The following CACNA1H variants were observed in gnomAD, a reference collection of about 807,000 sequenced individuals.
The protein encoded by CACNA1H is calcium voltage-gated channel subunit alpha1 H.
CACNA1H carries 149 observed loss-of-function variants against 192.5 expected under a neutral mutation model. The observed-to-expected ratio is 0.77, with a 90% CI of 0.68 to 0.89. CACNA1H has a LOEUF of 0.89. CACNA1H is among the 40% of genes least tolerant of loss of function. The pLI is 0.00. For missense variants in CACNA1H, 4,257 were observed against 3,423.5 expected (o/e 1.24, Z -6.08); for synonymous variants, 2,202 against 1,475.2 (o/e 1.49, Z -11.29).
intron 30 of CACNA1H, 148 bp downstream of exon 30, chr16:1,215,741 A>G (rs900431043): frequency 1.7e-5 from 12 of 687,652 alleles, no homozygotes; most frequent in Non-Finnish European, 2.7e-5. Flanking sequence ...TGTGCAGTGC[A>G]TGGCTTGGCT....
chr16:1,175,153 T>C (rs1042665821), intron 2 of CACNA1H, among the ~76,000 whole-genome samples: 11 of 151,898 alleles, frequency 7.2e-5, no homozygotes, highest in Admixed American at 2.0e-4. Flanking sequence ...AATGCCCTAC[T>C]GTGCGCGCGG....
chr16:1,154,330 C>T (rs949341963), intron 2 of CACNA1H, among the ~76,000 whole-genome samples: 2 of 151,954 alleles, frequency 1.3e-5, no homozygotes, highest in Non-Finnish European at 2.9e-5. Flanking sequence ...GGAGAGGAGT[C>T]GGGGAGGGAG....
At chr16:1,170,026 G>C (rs974559201) in intron 2 of CACNA1H, among the ~76,000 whole-genome samples, 3 of 152,212 alleles carry the variant, frequency 2.0e-5, no homozygotes, top group Non-Finnish European at 4.4e-5. Flanking sequence ...CTCAAGTCCC[G>C]GTGGGAAGAG....
At position 1,202,180 on chromosome 16, in the gene CACNA1H, A is replaced by G. The variant is rs1318871844; in HGVS notation, c.1730A>G (p.His577Arg). Reference sequence around the variant, plus strand: ...GCAGAGTCTGTGCACAGCATCTACCATGCCGACTGCCACATAGAGGGGCCG... The same window carrying G: ...GCAGAGTCTGTGCACAGCATCTACCGTGCCGACTGCCACATAGAGGGGCCG... ...PDAESVHSIY[H>R]ADCHIEGPQE... The change falls in exon 9 of 35, where the codon CAT becomes CGT. Residue 577 changes from histidine to arginine, a missense_variant. Physicochemically the swap from His to Arg is conservative, Grantham distance 29. Transcript: ENST00000348261. 7.7e-6 allele frequency: 12 copies of G among 1,552,442 alleles called. No individual in the cohort carries two copies. Among genetic ancestry groups the G allele is most frequent in the Admixed American group, 3.9e-5 (2 of 51,332 alleles).
In CACNA1H at chr16:1,182,208, G is replaced by A. The variant is rs569316597; in HGVS notation, c.300-12764G>A. ...GTGGGTGGCAGGTGGGAGGCTCTGC[G>A]GGGTGGAGGAGGCGGGCCTCAGCCC... On this transcript the variant is annotated intron_variant, in intron 2 of 34. Coordinates refer to ENST00000348261, the MANE Select transcript of CACNA1H (RefSeq NM_021098.3). 5.3e-5 allele frequency among the ~76,000 whole-genome samples: 8 copies of A among 152,346 alleles called. No individual in the cohort carries two copies. The East Asian group carries it at 1.4e-3, about 26-fold the overall frequency.
intron 2 of CACNA1H, among the ~76,000 whole-genome samples, chr16:1,185,509 C>G (rs541260602): frequency 1.4e-4 from 20 of 143,994 alleles, no homozygotes; most frequent in Admixed American, 8.3e-4. Context: ...AGTCCCCCCC[C>G]CCGCCGAGTC....
At position 1,220,757 on chromosome 16, in the gene CACNA1H, C is replaced by A. The variant is rs749693013; in HGVS notation, c.6825C>A (p.Val2275=). ...CCTTTGAGCCGCTGGACCTCGGGGT[C>A]CCCAGTGGAGACCCTTTCTTGGACG... The part of the protein sequence containing the change: ...SFAFEPLDLG[V]PSGDPFLDGS... The change falls in exon 35 of 35, where the codon GTC becomes GTA. Residue 2275 remains valine (V), a synonymous_variant. Coordinates refer to ENST00000348261, the MANE Select transcript of CACNA1H (RefSeq NM_021098.3). 1.2e-6 allele frequency: 2 copies of A among 1,612,568 alleles called. No individual in the cohort carries two copies. Among genetic ancestry groups the A allele is most frequent in the Non-Finnish European group, 1.7e-6 (2 of 1,179,770 alleles).
chr16:1,211,900 C>T, intron 24 of CACNA1H, 46 bp from the exon 25 acceptor site: 1 of 1,611,782 alleles, frequency 6.2e-7, no homozygotes, highest in Non-Finnish European at 8.5e-7. Context: ...TGGGTAGGGC[C>T]CCTGGCGGGG....
chr16:1,195,306 AGGGCGGGGCAG>A (rs1966866271), intron 3 of CACNA1H, 115 bp from the exon 4 acceptor site: 20 of 728,654 alleles, frequency 2.7e-5, no homozygotes, highest in African/African-American at 5.5e-5. Context: ...CCTGGGGCTC[AGGGCGGGGCAG>A]GGGCGGGGCG....
At position 1,217,930 on chromosome 16, in the gene CACNA1H, G is replaced by T. The variant is rs551983302; in HGVS notation, c.5335G>T (p.Asp1779Tyr). The change falls in exon 32 of 35, where the codon GAC becomes TAC. Residue 1779 changes from aspartate (D) to tyrosine (Y), a missense_variant. Asp to Tyr is a radical substitution (Grantham distance 160). Coordinates refer to ENST00000348261, the MANE Select transcript of CACNA1H (RefSeq NM_021098.3). ...CTCCCTCCCCGCAGAGTGCAGTGAA[G>T]ACAACCCCTGCGAGGGCCTGAGCAG... ...ELFGRLECSE[D>Y]NPCEGLSRHA... The T allele has an allele frequency of 2.5e-6, 4 of 1,604,794 alleles. No individual in the cohort carries two copies. The highest frequency in any genetic ancestry group is 3.4e-6 in the Non-Finnish European group (4 of 1,176,582).
In CACNA1H at chr16:1,206,254, C is replaced by T. The variant is rs774213016; in HGVS notation, c.2754C>T (p.Phe918=). 3.2e-6 allele frequency: 5 copies of T among 1,579,366 alleles called. No individual in the cohort carries two copies. The highest frequency in any genetic ancestry group is 1.2e-5 in the South Asian group (1 of 85,902). Residue 918 remains phenylalanine, a synonymous_variant, in exon 12 of 35, where the codon TTC becomes TTT. Transcript: ENST00000348261. Reference sequence around the variant, plus strand: ...AGACCATGGACAACGTGGCTACCTTCTGCACGCTGCTCATGCTCTTCATTT... The same window carrying T: ...AGACCATGGACAACGTGGCTACCTTTTGCACGCTGCTCATGCTCTTCATTT... The part of the protein sequence containing the change: ...LVKTMDNVAT[F]CTLLMLFIFI...
intron 2 of CACNA1H, among the ~76,000 whole-genome samples, chr16:1,163,545 C>T (rs1197351178): frequency 6.6e-6 from 1 of 152,222 alleles, no homozygotes; most frequent in Non-Finnish European, 1.5e-5. Context: ...TGTGGAGGGG[C>T]GAGGGTCTCT....
rs1323846686 is a variant in CACNA1H, at chr16:1,194,449, G to T, written c.300-523G>T. On this transcript the variant is annotated intron_variant, in intron 2 of 34. Transcript: ENST00000348261. ...CTGGGACAGGGGCCCTGGAAAGTCT[G>T]CCCCGAGTTGTGCCACCGTCCAGGC... Among the ~76,000 whole-genome samples the T allele has an allele frequency of 2.6e-5, 4 of 152,286 alleles. 1 individual carries two copies. In the South Asian group the frequency reaches 6.2e-4, roughly 24 times the overall value.
Position 1,202,075 on chromosome 16 carries a change from A to G in CACNA1H, c.1625A>G (p.Glu542Gly). ...SHGSPRRPGP[E>G]PGACDTRLVR... is the part of the protein sequence containing the mutation. ...GGCAGCCCCCGCAGGCCCGGCCCCG[A>G]GCCAGGCGCCTGCGACACCAGGCTG... Residue 542 changes from glutamate (E) to glycine (G), a missense_variant, in exon 9 of 35, where the codon GAG (glutamate) becomes GGG (glycine). Glu to Gly is a moderately conservative substitution (Grantham distance 98). Transcript: ENST00000348261. 1 of 1,540,980 alleles carries G rather than the reference A, an allele frequency of 6.5e-7. No homozygotes were observed. The highest frequency in any genetic ancestry group is 1.2e-5 in the South Asian group (1 of 83,904).
intron 5 of CACNA1H, among the ~76,000 whole-genome samples, chr16:1,198,192 C>T (rs551852312): frequency 2.6e-5 from 4 of 152,250 alleles, no homozygotes; most frequent in East Asian, 1.9e-4. Context: ...AGACAAGCCT[C>T]GAGGGCCACT....
At chr16:1,177,110 C>T (rs1418406707) in intron 2 of CACNA1H, among the ~76,000 whole-genome samples, 2 of 152,228 alleles carry the variant, frequency 1.3e-5, no homozygotes, top group Non-Finnish European at 2.9e-5. Flanking sequence ...CTGCCACCTT[C>T]AGGTGTCTGT....
chr16:1,214,287 C>T (rs893040405), intron 27 of CACNA1H, among the ~76,000 whole-genome samples: 58 of 152,368 alleles, frequency 3.8e-4, no homozygotes, highest in African/African-American at 1.4e-3. Flanking sequence ...CCCCTGCATC[C>T]TCTCCTTTCC....
In CACNA1H at chr16:1,215,571, CTG is replaced by C. The variant is rs1969954240; in HGVS notation, c.5225_5226del (p.Val1742GlyfsTer36). On this transcript the variant is annotated frameshift_variant, in exon 30 of 35. Transcript: ENST00000348261. LOFTEE classifies it high-confidence loss of function. ...ACGGGCATGCGCGCCCTGCTGGACACTGTGGTGCAAGCTCTCCCCCAGGTAGG... is the reference window on the plus strand; with the variant it reads ...ACGGGCATGCGCGCCCTGCTGGACACTGGTGCAAGCTCTCCCCCAGGTAGG... The C allele has an allele frequency of 6.2e-7, 1 of 1,611,760 alleles. No homozygotes were observed. Among genetic ancestry groups the C allele is most frequent in the Non-Finnish European group, 8.5e-7 (1 of 1,179,556 alleles).
Position 1,210,333 on chromosome 16 carries a change from G to A in CACNA1H, c.3846-37G>A, listed in dbSNP as rs867960501. 2.0e-5 allele frequency: 27 copies of A among 1,320,596 alleles called. 1 individual carries two copies. In the Middle Eastern group the frequency reaches 6.8e-4, roughly 33 times the overall value. 81.8% of individuals were successfully genotyped at this position (1,320,596 alleles called of 1,614,324 possible). ...CCCCATCCACTCTGCCATCCACGCC[G>A]CCCCGCCCCACCTCTCACCCGCCCC... On this transcript the variant is annotated intron_variant, in intron 18 of 34. Coordinates refer to ENST00000348261, the MANE Select transcript of CACNA1H (RefSeq NM_021098.3).
Sources: gnomAD v4.1 joint callset for allele counts (sites outside exome capture counted in the v4.1 genomes callset) on GRCh38, gnomAD v4.1.1 for gene constraint, MANE v1.5 for transcripts, NCBI Gene and HGNC (gene_info 2026-07-23, HGNC 2026-07-21) for gene names.